CDYL2: variants seen among roughly 807,000 people sequenced by gnomAD.
CDYL2 encodes chromodomain Y like 2.
A neutral mutation model predicts 49.4 loss-of-function variants in CDYL2; 23 were observed. That is an observed-to-expected ratio of 0.47 (90% CI 0.34 to 0.66). CDYL2 has a LOEUF of 0.66. Ranked by LOEUF, CDYL2 falls within the 30% of genes least tolerant of loss-of-function variation. The pLI, the probability that CDYL2 is intolerant of heterozygous loss-of-function variation, is 0.01. For missense variants in CDYL2, 678 were observed against 656.4 expected, an observed-to-expected ratio of 1.03 and a Z score of -0.36; for synonymous variants, 360 against 268.8, an observed-to-expected ratio of 1.34 and a Z score of -3.32.
At chr16:80,802,428 T>A (rs939289061) in intron 1 of CDYL2, among the ~76,000 whole-genome samples, 1 of 152,198 alleles carries the variant, frequency 6.6e-6, no homozygotes, top group African/African-American at 2.4e-5. Context: ...AATCAAACCT[T>A]CTATTTTACT....
chr16:80,724,052 TGAA>T (rs142102434), intron 1 of CDYL2, among the ~76,000 whole-genome samples: 4,999 of 101,190 alleles, frequency 0.049, 296 homozygotes, highest in African/African-American at 0.18. Flanking sequence ...AGAAAGAAGA[TGAA>T]GAGGAAGAAA....
chr16:80,655,791 T>C (rs1016994364), intron 2 of CDYL2, among the ~76,000 whole-genome samples: 5 of 152,134 alleles, frequency 3.3e-5, no homozygotes, highest in African/African-American at 1.2e-4. Flanking sequence ...GGGCCTTCTC[T>C]CCAGGAGACG....
chr16:80,712,215 A>ATATATATATATATATATATATATG (rs763194077), intron 1 of CDYL2, among the ~76,000 whole-genome samples: 101 of 128,346 alleles, frequency 7.9e-4, no homozygotes, highest in African/African-American at 1.1e-3. Flanking sequence ...ATATATATAT[A>ATATATATATATATATATATATATG]TCTCCAAACC....
intron 1 of CDYL2, among the ~76,000 whole-genome samples, chr16:80,689,374 T>C (rs1214499542): frequency 6.6e-6 from 1 of 152,246 alleles, no homozygotes; most frequent in Non-Finnish European, 1.5e-5. Context: ...TTCCAGGAAC[T>C]GTGTAAATCA....
chr16:80,754,600 C>A (rs1597116825), intron 1 of CDYL2, among the ~76,000 whole-genome samples: 1 of 152,304 alleles, frequency 6.6e-6, no homozygotes, highest in East Asian at 1.9e-4. Flanking sequence ...CACAGCTTCT[C>A]AGTGCTGTGA....
intron 3 of CDYL2, among the ~76,000 whole-genome samples, chr16:80,624,063 C>A (rs547740285): frequency 2.5e-4 from 38 of 152,176 alleles, no homozygotes; most frequent in Non-Finnish European, 4.4e-4. Flanking sequence ...CCCTCACACC[C>A]CTGCATACTC....
chr16:80,792,779 T>C (rs1907651389), intron 1 of CDYL2, among the ~76,000 whole-genome samples: 1 of 152,134 alleles, frequency 6.6e-6, no homozygotes, highest in Non-Finnish European at 1.5e-5. Context: ...ATCGCTGCTG[T>C]GCTGCCAAAA....
intron 1 of CDYL2, among the ~76,000 whole-genome samples, chr16:80,688,973 C>T (rs974229706): frequency 1.3e-5 from 2 of 152,192 alleles, no homozygotes; most frequent in Non-Finnish European, 2.9e-5. Context: ...TCTTGATGCT[C>T]TGCCCCCGCT....
At chr16:80,759,028 T>C (rs1011278769) in intron 1 of CDYL2, among the ~76,000 whole-genome samples, 3 of 147,558 alleles carry the variant, frequency 2.0e-5, no homozygotes, top group African/African-American at 7.5e-5. Context: ...GGAAAACACA[T>C]GTTACAGCAT....
At chr16:80,666,542 A>C (rs926677697) in intron 2 of CDYL2, among the ~76,000 whole-genome samples, 1 of 152,194 alleles carries the variant, frequency 6.6e-6, no homozygotes, top group Admixed American at 6.5e-5. Context: ...TATAAAGGGA[A>C]GAGGAACACA....
intron 4 of CDYL2, among the ~76,000 whole-genome samples, chr16:80,617,252 T>A (rs569731270): frequency 1.3e-4 from 20 of 152,084 alleles, no homozygotes; most frequent in Non-Finnish European, 2.8e-4. Context: ...GGGGTGAGAG[T>A]ACCACTCACG....
At chr16:80,710,728 T>C (rs1904567948) in intron 1 of CDYL2, among the ~76,000 whole-genome samples, 1 of 152,110 alleles carries the variant, frequency 6.6e-6, no homozygotes, top group Non-Finnish European at 1.5e-5. Flanking sequence ...CCCTTAATGT[T>C]ATAATACTGC....
At chr16:80,644,510 G>A (rs1487027535) in intron 2 of CDYL2, among the ~76,000 whole-genome samples, 2 of 152,102 alleles carry the variant, frequency 1.3e-5, no homozygotes, top group Non-Finnish European at 2.9e-5. Context: ...GGTAGACTGG[G>A]GAACAAAAGA....
At chr16:80,632,781 G>A (rs1567548531) in intron 3 of CDYL2, 3 of 491,382 alleles carry the variant, frequency 6.1e-6, no homozygotes, top group Non-Finnish European at 1.1e-5. Flanking sequence ...AGTTCAGTGA[G>A]TCCCTCTCCC....
At chr16:80,716,803 G>C (rs764795429) in intron 1 of CDYL2, among the ~76,000 whole-genome samples, 17 of 151,744 alleles carry the variant, frequency 1.1e-4, no homozygotes, top group Non-Finnish European at 2.1e-4. Flanking sequence ...TAATGGAGGG[G>C]TGACTGAATG....
At chr16:80,748,409 A>G (rs548338001) in intron 1 of CDYL2, among the ~76,000 whole-genome samples, 6 of 145,920 alleles carry the variant, frequency 4.1e-5, no homozygotes, top group Non-Finnish European at 9.0e-5. Flanking sequence ...CGCCTGTAGT[A>G]CCAGCTACTT....
chr16:80,784,531 T>A (rs7192327), intron 1 of CDYL2, among the ~76,000 whole-genome samples: 1 of 151,852 alleles, frequency 6.6e-6, no homozygotes, highest in Non-Finnish European at 1.5e-5. Context: ...AGAACATCCA[T>A]GAGAGAAAAC....
At chr16:80,779,935 C>A (rs1221720980) in intron 1 of CDYL2, among the ~76,000 whole-genome samples, 1 of 151,870 alleles carries the variant, frequency 6.6e-6, no homozygotes, top group African/African-American at 2.4e-5. Context: ...GCTTTATAAT[C>A]TGGTTTTTAA....
chr16:80,622,535 A>C (rs1182413385), intron 3 of CDYL2, among the ~76,000 whole-genome samples: 1 of 152,110 alleles, frequency 6.6e-6, no homozygotes, highest in Non-Finnish European at 1.5e-5. Flanking sequence ...TTATTTTAAT[A>C]AAGACAGGAA....
Sources: allele counts gnomAD v4.1 joint callset (sites outside exome capture counted in the v4.1 genomes callset), GRCh38; gene constraint gnomAD v4.1.1; transcripts MANE v1.5; gene names NCBI Gene and HGNC (gene_info 2026-07-23, HGNC 2026-07-21).